Variants in PRKAR1A observed in about 807,000 individuals in gnomAD.
PRKAR1A encodes the protein protein kinase cAMP-dependent type I regulatory subunit alpha.
PRKAR1A carries 3 observed loss-of-function variants against 52.0 expected under a neutral mutation model. That is an observed-to-expected ratio of 0.06 (90% CI 0.03 to 0.15). The LOEUF is 0.15. PRKAR1A is among the 10% of genes least tolerant of loss of function. PRKAR1A has a pLI of 1.00. For synonymous variants in PRKAR1A, 188 were observed against 168.4 expected (o/e 1.12, Z -0.90); for missense variants, 240 against 477.4 (o/e 0.50, Z 4.63).
Position 68,530,671 on chromosome 17 carries a change from T to G in PRKAR1A, c.*222T>G. On this transcript the variant is annotated 3_prime_UTR_variant, in exon 11 of 11. Transcript: ENST00000589228. ...AATAGAAAGAGTTCTATGGAGACTT[T>G]GCTGTTACTGCTTCTCTTTGTGCAG... is the stretch of plus-strand genomic sequence containing the variant. 1 of 1,434,492 alleles carries G rather than the reference T, an allele frequency of 7.0e-7. No homozygotes were observed. Among genetic ancestry groups the G allele is most frequent in the Admixed American group, 2.4e-5 (1 of 41,088 alleles). 88.9% of individuals were successfully genotyped at this position (1,434,492 alleles called of 1,614,324 possible).
chr17:68,419,691 G>T, the PRKAR1A span, among the ~76,000 whole-genome samples: 5 of 152,124 alleles, frequency 3.3e-5, no homozygotes, highest in Non-Finnish European at 7.3e-5. Context: ...TGGCTGCAGT[G>T]GTTCCTGCTG....
In PRKAR1A at chr17:68,530,542, G is replaced by A; in HGVS notation, c.*93G>A. 6.2e-7 allele frequency: 1 copy of A among 1,608,956 alleles called. No individual in the cohort carries two copies. The highest frequency in any genetic ancestry group is 8.5e-7 in the Non-Finnish European group (1 of 1,178,076). On this transcript the variant is annotated 3_prime_UTR_variant, in exon 11 of 11. Transcript: ENST00000589228. ...TTTTCCCTACTTGCAGCGCCAAGTG[G>A]CCACTGGCATCGCAGCTTCCTGTCT... is the stretch of plus-strand genomic sequence containing the variant.
the PRKAR1A span, chr17:68,426,253 G>GGA: frequency 1.7e-5 from 14 of 840,896 alleles, no homozygotes; most frequent in African/African-American, 2.0e-4. Flanking sequence ...GGGGAGCGGG[G>GGA]GCTCAAATAA....
intron 6 of PRKAR1A, among the ~76,000 whole-genome samples, chr17:68,525,439 G>A (rs1320707930): frequency 6.6e-6 from 1 of 152,180 alleles, no homozygotes; most frequent in African/African-American, 2.4e-5. Context: ...CAAGTAAAAT[G>A]TTTAGCATAG....
At chr17:68,426,253 G>GGGGGGGGGGT in the PRKAR1A span, 7 of 841,012 alleles carry the variant, frequency 8.3e-6, no homozygotes, top group South Asian at 4.0e-5. Flanking sequence ...GGGGAGCGGG[G>GGGGGGGGGGT]GCTCAAATAA....
chr17:68,421,742 G>T, the PRKAR1A span: 326 of 1,614,086 alleles, frequency 2.0e-4, no homozygotes, highest in Middle Eastern at 2.1e-3. Context: ...CTGATAGGGG[G>T]GATGTCCTGA....
chr17:68,426,234 CT>C, the PRKAR1A span: 1 of 705,818 alleles, frequency 1.4e-6, no homozygotes, highest in Non-Finnish European at 2.0e-6. Context: ...ATGCCATGAC[CT>C]GGCGGGTGGG....
the PRKAR1A span, among the ~76,000 whole-genome samples, chr17:68,431,361 G>A: frequency 3.9e-5 from 6 of 152,040 alleles, no homozygotes; most frequent in African/African-American, 1.4e-4. Flanking sequence ...AGGATGCTGG[G>A]GACTGAGCAT....
the PRKAR1A span, among the ~76,000 whole-genome samples, chr17:68,476,142 A>G: frequency 0.22 from 32,964 of 151,988 alleles, 3,929 homozygotes; most frequent in Middle Eastern, 0.28. Flanking sequence ...TTTATAATCT[A>G]CTATAATATT....
downstream of PRKAR1A, chr17:68,537,067 G>A (rs1379943333): frequency 3.1e-5 from 14 of 458,310 alleles, no homozygotes; most frequent in Non-Finnish European, 6.1e-5. This position sits in a 1 kb window ranked among gnomAD's most constrained non-coding sequence, Gnocchi z 4.2. Flanking sequence ...TGTTTTGTCT[G>A]GACCAGGAGT....
At chr17:68,438,843 A>T in the PRKAR1A span, among the ~76,000 whole-genome samples, 1 of 152,196 alleles carries the variant, frequency 6.6e-6, no homozygotes, top group Admixed American at 6.5e-5. Flanking sequence ...CAGGTGATCC[A>T]TCTGCCTCGG....
At chr17:68,426,251 G>GGGGGGGGGGGGGGGT in the PRKAR1A span, 6 of 825,460 alleles carry the variant, frequency 7.3e-6, 1 homozygote, top group South Asian at 2.6e-5. Context: ...GTGGGGAGCG[G>GGGGGGGGGGGGGGGT]GGGCTCAAAT....
the PRKAR1A span, among the ~76,000 whole-genome samples, chr17:68,456,560 C>T: frequency 6.6e-6 from 1 of 152,234 alleles, no homozygotes; most frequent in Admixed American, 6.5e-5. Flanking sequence ...AAACACACTT[C>T]AGCCCAGCTC....
intron 2 of PRKAR1A, among the ~76,000 whole-genome samples, chr17:68,516,442 A>G (rs2085435831): frequency 6.6e-6 from 1 of 152,138 alleles, no homozygotes; most frequent in South Asian, 2.1e-4. Context: ...GGTGGTTCAT[A>G]ATGATTATGA....
chr17:68,450,960 C>G, the PRKAR1A span: 2 of 1,555,034 alleles, frequency 1.3e-6, no homozygotes, highest in African/African-American at 1.4e-5. Context: ...ATTCCAGCCT[C>G]CATGACACTG....
chr17:68,493,197 C>T, the PRKAR1A span, among the ~76,000 whole-genome samples: 30 of 152,090 alleles, frequency 2.0e-4, no homozygotes, highest in African/African-American at 7.0e-4. Flanking sequence ...GGCTTGATAC[C>T]CAGGCAATGG....
At chr17:68,537,851 C>T, downstream of PRKAR1A, 1 of 1,216,138 alleles carries the variant, frequency 8.2e-7, no homozygotes, top group Non-Finnish European at 1.2e-6. This position sits in a 1 kb window ranked among gnomAD's most constrained non-coding sequence, Gnocchi z 4.2. Flanking sequence ...GGCGCCTCTC[C>T]TTGTGTCTTC....
chr17:68,537,518 GT>G, downstream of PRKAR1A: 1 of 1,613,868 alleles, frequency 6.2e-7, no homozygotes. This position sits in a 1 kb window ranked among gnomAD's most constrained non-coding sequence, Gnocchi z 4.2. Context: ...GGGGCCAACT[GT>G]TCCACTGGGC....
the PRKAR1A span, chr17:68,457,563 CG>C: frequency 9.7e-4 from 172 of 176,896 alleles, 6 homozygotes; most frequent in African/African-American, 0.013. Flanking sequence ...TACCCCGCCC[CG>C]TCCCCACCCC....
Sources: allele counts gnomAD v4.1 joint callset (sites outside exome capture counted in the v4.1 genomes callset), GRCh38; gene constraint gnomAD v4.1.1; non-coding constraint Gnocchi (gnomAD v3.1); transcripts MANE v1.5; gene names NCBI Gene and HGNC (gene_info 2026-07-23, HGNC 2026-07-21).